Variants in PCDH15 observed in about 807,000 individuals in gnomAD.
PCDH15 encodes the protein protocadherin related 15.
A neutral mutation model predicts 178.5 loss-of-function variants in PCDH15; 129 were observed. That is an observed-to-expected ratio of 0.72 (90% CI 0.63 to 0.84). The LOEUF (loss-of-function observed/expected upper bound fraction) is 0.84. Among genes scored for constraint, PCDH15 ranks in the 40% least tolerant of loss-of-function variants. The pLI is 0.00. For missense variants in PCDH15, 2,230 were observed against 2,099.9 expected, an observed-to-expected ratio of 1.06 and a Z score of -1.21; for synonymous variants, 800 against 732.0, an observed-to-expected ratio of 1.09 and a Z score of -1.50.
intron 8 of PCDH15, among the ~76,000 whole-genome samples, chr10:54,238,947 G>T (rs1225126686): frequency 1.3e-5 from 2 of 151,984 alleles, no homozygotes; most frequent in African/African-American, 4.8e-5. Context: ...TTCCAAAACC[G>T]AGGCTCTATT....
intron 2 of PCDH15, among the ~76,000 whole-genome samples, chr10:55,566,389 C>T (rs1052923426): frequency 5.3e-5 from 8 of 151,350 alleles, no homozygotes; most frequent in African/African-American, 2.4e-5. Flanking sequence ...AGAGTTTTCC[C>T]TCTGTGATAA....
rs541118862 is a variant in PCDH15 at position 54,428,402 on chromosome 10, T to A, written c.158-49460A>T. On this transcript the variant is annotated intron_variant, in intron 3 of 37. Transcript: ENST00000644397. The stretch of plus-strand genomic sequence containing the variant: ...GAATTTACATTGTTTAGTATGAGTA[T>A]GTCCCATGAAATATTTAGGAATTAC... Among the ~76,000 whole-genome samples, 4 of 152,350 alleles carry A rather than the reference T, an allele frequency of 2.6e-5. No homozygotes were observed. In the East Asian group the frequency reaches 7.7e-4, roughly 29 times the overall value.
intron 3 of PCDH15, among the ~76,000 whole-genome samples, chr10:54,880,408 A>T (rs772774888): frequency 1.3e-5 from 2 of 152,096 alleles, no homozygotes; most frequent in Non-Finnish European, 2.9e-5. Flanking sequence ...AGGTGGTCTA[A>T]TTAAATGTGC....
At chr10:54,530,859 CTATTAATAACATTGTTCATAACAAAG>C (rs2083835062) in intron 2 of PCDH15, among the ~76,000 whole-genome samples, 1 of 152,218 alleles carries the variant, frequency 6.6e-6, no homozygotes, top group South Asian at 2.1e-4. Context: ...AATAAATAAT[CTATTAATAACATTGTTCATAACAAAG>C]TGTTTGTTTT....
In PCDH15 at chr10:55,390,117, G is replaced by GT. The variant is rs201061770; in HGVS notation, c.-155-223467dup. On this transcript the variant is annotated intron_variant, in intron 2 of 5. Transcript: ENST00000613346. The stretch of plus-strand genomic sequence containing the variant: ...TATTGCAATTAAGCAAGTCACATGA[G>GT]TTTTTTTTTCTTTTTTTGGTCTTCC... Among the ~76,000 whole-genome samples the GT allele has an allele frequency of 9.3e-4, 140 of 151,160 alleles. 1 individual carries two copies. Among genetic ancestry groups the GT allele is most frequent in the East Asian group, 8.6e-3 (44 of 5,134 alleles).
Position 54,799,617 on chromosome 10 carries a change from T to C in PCDH15, c.-29+1308A>G, listed in dbSNP as rs186597684. Among the ~76,000 whole-genome samples, 9 of 152,170 alleles carry C rather than the reference T, an allele frequency of 5.9e-5. No homozygotes were observed. In the East Asian group the frequency reaches 1.5e-3, roughly 26 times the overall value. ...AATTTGGGGGGCAAAGTTGTAGGGATTCACATTTCCTGCTCAGCACATAAT... is the reference window on the plus strand; with the variant it reads ...AATTTGGGGGGCAAAGTTGTAGGGACTCACATTTCCTGCTCAGCACATAAT... On this transcript the variant is annotated intron_variant, in intron 1 of 37. Transcript: ENST00000644397.
At chr10:55,614,991 C>T (rs1843445786) in intron 2 of PCDH15, among the ~76,000 whole-genome samples, 1 of 152,030 alleles carries the variant, frequency 6.6e-6, no homozygotes, top group African/African-American at 2.4e-5. Context: ...TTTGGAGCCA[C>T]ATTTTAATTT....
At chr10:55,559,097 T>G (rs959465248) in intron 2 of PCDH15, among the ~76,000 whole-genome samples, 1 of 151,952 alleles carries the variant, frequency 6.6e-6, no homozygotes, top group African/African-American at 2.4e-5. Flanking sequence ...ATAACAGTAT[T>G]TCATTCCTGA....
chr10:55,334,280 GTGTGTA>G (rs1355756380), intron 2 of PCDH15, among the ~76,000 whole-genome samples: 16 of 130,032 alleles, frequency 1.2e-4, no homozygotes, highest in African/African-American at 4.5e-4. Flanking sequence ...GTGTGTGTGT[GTGTGTA>G]TGTGTATATA....
intron 2 of PCDH15, among the ~76,000 whole-genome samples, chr10:54,608,518 G>A (rs974400873): frequency 6.6e-6 from 1 of 151,942 alleles, no homozygotes; most frequent in African/African-American, 2.4e-5. Context: ...GGCTGAGGTG[G>A]GCGGATAGAT....
At chr10:54,722,880 G>A (rs573232619) in intron 1 of PCDH15, among the ~76,000 whole-genome samples, 199 of 151,740 alleles carry the variant, frequency 1.3e-3, no homozygotes, top group African/African-American at 4.7e-3. Flanking sequence ...AAACACTGAT[G>A]AAAGAAATTA....
intron 16 of PCDH15, among the ~76,000 whole-genome samples, chr10:54,086,888 A>AC (rs1362004162): frequency 6.6e-6 from 1 of 152,220 alleles, no homozygotes; most frequent in East Asian, 1.9e-4. Flanking sequence ...GACATAATTT[A>AC]CACCTTTAAG....
chr10:55,367,181 A>T (rs1392862593), intron 2 of PCDH15, among the ~76,000 whole-genome samples: 1 of 151,984 alleles, frequency 6.6e-6, no homozygotes, highest in African/African-American at 2.4e-5. Flanking sequence ...TCTTACCTTT[A>T]AAAAAATGCA....
intron 2 of PCDH15, among the ~76,000 whole-genome samples, chr10:54,634,687 G>T (rs2093799556): frequency 6.6e-6 from 1 of 151,992 alleles, no homozygotes; most frequent in Non-Finnish European, 1.5e-5. Flanking sequence ...GATAACAAGA[G>T]TTACTTTTAA....
chr10:55,379,744 T>G (rs1247006795), intron 2 of PCDH15, among the ~76,000 whole-genome samples: 3 of 152,046 alleles, frequency 2.0e-5, no homozygotes, highest in Non-Finnish European at 2.9e-5. Flanking sequence ...TTGGGCTCCT[T>G]GAGAGGCTAG....
chr10:54,564,106 T>G (rs139659298), intron 2 of PCDH15, among the ~76,000 whole-genome samples: 1 of 150,966 alleles, frequency 6.6e-6, no homozygotes, highest in East Asian at 1.9e-4. Context: ...TCACTGCACT[T>G]TTTTTGTAGA....
At chr10:54,009,154 C>T (rs1169899867) in intron 20 of PCDH15, among the ~76,000 whole-genome samples, 1 of 151,496 alleles carries the variant, frequency 6.6e-6, no homozygotes, top group East Asian at 1.9e-4. Context: ...ATCAGGTTAC[C>T]CCAGAAAAGA....
At chr10:54,526,701 A>G (rs2083394896) in intron 3 of PCDH15, among the ~76,000 whole-genome samples, 1 of 152,182 alleles carries the variant, frequency 6.6e-6, no homozygotes, top group Non-Finnish European at 1.5e-5. Flanking sequence ...AATGTGGCAA[A>G]TATTTTATTA....
chr10:55,060,263 T>G (rs1346442173), intron 2 of PCDH15, among the ~76,000 whole-genome samples: 1 of 152,102 alleles, frequency 6.6e-6, no homozygotes, highest in Non-Finnish European at 1.5e-5. Flanking sequence ...AATCATTACT[T>G]TATTCAATGT....
Sources: gnomAD v4.1 joint callset for allele counts (sites outside exome capture counted in the v4.1 genomes callset) on GRCh38, gnomAD v4.1.1 for gene constraint, MANE v1.5 for transcripts, NCBI Gene and HGNC (gene_info 2026-07-23, HGNC 2026-07-21) for gene names.